Variants in STT3B observed in about 807,000 individuals in gnomAD.
STT3B encodes STT3 oligosaccharyltransferase complex catalytic subunit B.
STT3B carries 29 observed loss-of-function variants against 96.8 expected under a neutral mutation model. The observed-to-expected ratio is 0.30, with a 90% confidence interval of 0.22 to 0.41. The LOEUF (loss-of-function observed/expected upper bound fraction) is 0.41. STT3B is among the 10% of genes least tolerant of loss of function. The pLI is 1.00. For synonymous variants in STT3B, 367 were observed against 360.0 expected (o/e 1.02, Z -0.22); for missense variants, 640 against 1,022.3 (o/e 0.63, Z 5.10).
intron 2 of STT3B, among the ~76,000 whole-genome samples, chr3:31,579,477 TAAAAAAAA>T (rs1173591549): frequency 0.031 from 2,079 of 67,488 alleles, 74 homozygotes; most frequent in African/African-American, 0.11. Flanking sequence ...CCTGTTTTGA[TAAAAAAAA>T]AAAAAAAAAA....
intron 5 of STT3B, among the ~76,000 whole-genome samples, chr3:31,612,312 A>G (rs546718124): frequency 6.6e-6 from 1 of 152,230 alleles, no homozygotes. Flanking sequence ...GATCCAAAAA[A>G]TGTGAAAAAT....
chr3:31,584,625 A>T (rs1698494421), intron 3 of STT3B, among the ~76,000 whole-genome samples: 1 of 152,166 alleles, frequency 6.6e-6, no homozygotes, highest in African/African-American at 2.4e-5. Context: ...TATTAACAGA[A>T]GGATGGAATG....
chr3:31,613,802 A>G (rs1163545329), intron 5 of STT3B, among the ~76,000 whole-genome samples: 1 of 151,810 alleles, frequency 6.6e-6, no homozygotes, highest in East Asian at 1.9e-4. Context: ...CTTTGATTAC[A>G]TTTGGGTTTG....
intron 5 of STT3B, among the ~76,000 whole-genome samples, chr3:31,611,560 G>A (rs1371823553): frequency 3.3e-5 from 5 of 152,054 alleles, no homozygotes; most frequent in Admixed American, 2.0e-4. Context: ...AGTGCAGTGC[G>A]ATTTCAGCTC....
chr3:31,601,734 A>G (rs553548295), intron 5 of STT3B, among the ~76,000 whole-genome samples: 2 of 152,322 alleles, frequency 1.3e-5, no homozygotes, highest in South Asian at 4.1e-4. Flanking sequence ...AAACCATTAC[A>G]TGATAGGTTA....
chr3:31,612,734 G>T (rs74576410), intron 5 of STT3B, among the ~76,000 whole-genome samples: 1 of 151,976 alleles, frequency 6.6e-6, no homozygotes, highest in African/African-American at 2.4e-5. Context: ...TTTCAAATAC[G>T]CCTGGAAATG....
chr3:31,635,282 C>G (rs1699735803), intron 15 of STT3B, among the ~76,000 whole-genome samples: 1 of 152,094 alleles, frequency 6.6e-6, no homozygotes, highest in Admixed American at 6.6e-5. Context: ...CTGTGGGGTT[C>G]TAACATAAAT....
chr3:31,567,320 G>A (rs955375519), intron 1 of STT3B, among the ~76,000 whole-genome samples: 1 of 152,092 alleles, frequency 6.6e-6, no homozygotes, highest in Admixed American at 6.6e-5. Context: ...CACCATCATT[G>A]ATCAAAGCTT....
rs1032907394 is a variant in STT3B at position 31,636,607 on chromosome 3, T to G, written c.*543T>G. On this transcript the variant is annotated 3_prime_UTR_variant, in exon 16 of 16. Transcript: ENST00000295770. ...CTAATGCAAAGAATGTTTCATCAAA[T>G]GTATATTTTCTGTTGCTTACTGTTT... 2.0e-5 allele frequency: 3 copies of G among 152,210 alleles called. No homozygotes were observed. Among genetic ancestry groups the G allele is most frequent in the African/African-American group, 7.2e-5 (3 of 41,452 alleles). 9.4% of individuals were successfully genotyped at this position (152,210 alleles called of 1,614,324 possible).
At chr3:31,592,550 C>T (rs1382954122) in intron 3 of STT3B, among the ~76,000 whole-genome samples, 6 of 151,996 alleles carry the variant, frequency 3.9e-5, no homozygotes, top group Non-Finnish European at 5.9e-5. Context: ...ACATTCCCAC[C>T]GACACTGCAC....
Position 31,636,355 on chromosome 3 carries a change from G to A in STT3B, c.*291G>A, listed in dbSNP as rs940981202. 3.9e-5 allele frequency: 9 copies of A among 232,646 alleles called. No homozygotes were observed. The highest frequency in any genetic ancestry group is 2.0e-4 in the African/African-American group (9 of 44,472). 14.4% of individuals were successfully genotyped at this position (232,646 alleles called of 1,614,324 possible). On this transcript the variant is annotated 3_prime_UTR_variant, in exon 16 of 16. Coordinates refer to ENST00000295770, the MANE Select transcript of STT3B (RefSeq NM_178862.3). ...TCAAATCTGAGAATTTGGACTAACT[G>A]CACCAAAGAACCCTCTAATTTGGTC...
rs1553603999 is a variant in STT3B, at chr3:31,572,015, C to CATATTAATATATATTAATATGAT, written c.315-4361_315-4360insGATATATTAATATATATTAATAT. Among the ~76,000 whole-genome samples, 191 of 131,914 alleles carry CATATTAATATATATTAATATGAT rather than the reference C, an allele frequency of 1.4e-3. 1 individual carries two copies. Among genetic ancestry groups the CATATTAATATATATTAATATGAT allele is most frequent in the African/African-American group, 5.3e-3 (173 of 32,802 alleles). The allele number at this position is 131,914 out of a possible 152,430, so 86.5% of individuals were successfully genotyped here. A position where few individuals can be genotyped will look rare whatever the true frequency, so the allele number is the denominator to read the frequency against. On this transcript the variant is annotated intron_variant, in intron 1 of 15. Transcript: ENST00000295770. ...ATTAATACATAATTATTTTATTAAA[C>CATATTAATATATATTAATATGAT]ATATTAATATATATTAATATATGAT...
At chr3:31,583,335 T>C (rs2125455210) in intron 3 of STT3B, among the ~76,000 whole-genome samples, 1 of 152,218 alleles carries the variant, frequency 6.6e-6, no homozygotes, top group East Asian at 1.9e-4. Flanking sequence ...AAAGTCTGTT[T>C]TTTCTTTTTT....
chr3:31,573,225 T>C (rs533983474), intron 1 of STT3B, among the ~76,000 whole-genome samples: 4 of 152,284 alleles, frequency 2.6e-5, no homozygotes, highest in Non-Finnish European at 4.4e-5. Flanking sequence ...ACCATTATGT[T>C]AAGAAGTGGA....
At chr3:31,565,034 T>A (rs1304336711) in intron 1 of STT3B, among the ~76,000 whole-genome samples, 1 of 152,232 alleles carries the variant, frequency 6.6e-6, no homozygotes, top group Non-Finnish European at 1.5e-5. Flanking sequence ...CTTAACCTTT[T>A]AACATGCCTG....
chr3:31,567,955 CTAAGTA>C (rs1698043768), intron 1 of STT3B, among the ~76,000 whole-genome samples: 1 of 151,860 alleles, frequency 6.6e-6, no homozygotes, highest in African/African-American at 2.4e-5. Context: ...CTTATTCATC[CTAAGTA>C]TATTTTTGTA....
At chr3:31,563,813 CG>C (rs1034083783) in intron 1 of STT3B, among the ~76,000 whole-genome samples, 15 of 152,028 alleles carry the variant, frequency 9.9e-5, no homozygotes, top group South Asian at 4.2e-4. Context: ...CTTATTCAGA[CG>C]TTTTTTTTGA....
At position 31,633,081 on chromosome 3, in the gene STT3B, G is replaced by A. The variant is rs753653083; in HGVS notation, c.2334G>A (p.Arg778=). The change falls in exon 15 of 16, where the codon AGG becomes AGA. Residue 778 remains arginine, a synonymous_variant. Transcript: ENST00000295770. ...ATAAAGTAAAAGCACCTGATAACAG[G>A]GAGACATTAGATCACAAACCTCGAG... ...RIYKVKAPDN[R]ETLDHKPRVT... 1.9e-6 allele frequency: 3 copies of A among 1,614,040 alleles called. No homozygotes were observed. The South Asian group carries it at 3.3e-5, about 18-fold the overall frequency.
intron 1 of STT3B, among the ~76,000 whole-genome samples, chr3:31,556,324 C>T (rs530491790): frequency 6.6e-6 from 1 of 152,206 alleles, no homozygotes; most frequent in African/African-American, 2.4e-5. Flanking sequence ...TAGGTTGATT[C>T]TGCATCTTCG....
Sources: allele counts gnomAD v4.1 joint callset (sites outside exome capture counted in the v4.1 genomes callset), GRCh38; gene constraint gnomAD v4.1.1; transcripts MANE v1.5; gene names NCBI Gene and HGNC (gene_info 2026-07-23, HGNC 2026-07-21).